The following LSP1 variants were observed in gnomAD, a reference collection of about 807,000 sequenced individuals.
LSP1 encodes lymphocyte-specific protein 1.
A neutral mutation model predicts 49.3 loss-of-function variants in LSP1; 32 were observed. That is an observed-to-expected ratio of 0.65 (90% confidence interval 0.49 to 0.87). The LOEUF is 0.87. Among genes scored for constraint, LSP1 ranks in the 40% least tolerant of loss-of-function variants. The probability of loss-of-function intolerance (pLI) is 0.00; values close to 1 mark genes in which losing one functional copy is unlikely to be tolerated. For missense variants in LSP1, 428 were observed against 442.6 expected (o/e 0.97, Z 0.30); for synonymous variants, 179 against 178.8 (o/e 1.00, Z -0.01).
intron 1 of LSP1, among the ~76,000 whole-genome samples, chr11:1,867,282 T>C (rs535515335): frequency 1.3e-5 from 2 of 152,200 alleles, no homozygotes; most frequent in African/African-American, 4.8e-5. Flanking sequence ...GGCTGACACG[T>C]GTGCACTAAT....
chr11:1,871,534 G>C lies in LSP1; in HGVS notation c.54-8553G>C, dbSNP rs1848008503. 6.4e-6 allele frequency: 6 copies of C among 942,762 alleles called. No homozygotes were observed. The South Asian group carries it at 1.9e-4, about 30-fold the overall frequency. 58.4% of individuals were successfully genotyped at this position (942,762 alleles called of 1,614,324 possible). A position where few individuals can be genotyped will look rare whatever the true frequency, so the allele number is the denominator to read the frequency against. On this transcript the variant is annotated intron_variant, in intron 1 of 10. Coordinates refer to ENST00000311604, the MANE Select transcript of LSP1 (RefSeq NM_002339.3). ...GAGGACCAATGGGAAGCCAGGGGTA[G>C]AGGGGTTGGGGGAAACCAGGCTCCA...
chr11:1,877,740 C>T (rs1360349493), intron 1 of LSP1, among the ~76,000 whole-genome samples: 1 of 152,192 alleles, frequency 6.6e-6, no homozygotes. Flanking sequence ...GCATGGGGTG[C>T]GGGCATGTAT....
chr11:1,870,430 A>G, intron 1 of LSP1: 1 of 1,213,864 alleles, frequency 8.2e-7, no homozygotes, highest in African/African-American at 1.6e-5. Context: ...ACCCCCAGGG[A>G]TGATGAGTCT....
In LSP1 at chr11:1,890,510, C is replaced by T. The variant is rs531127903; in HGVS notation, c.*14-1263C>T. 1.8e-4 allele frequency: 129 copies of T among 716,608 alleles called. No homozygotes were observed. In the African/African-American group the frequency reaches 1.9e-3, roughly 10 times the overall value. 44.4% of individuals were successfully genotyped at this position (716,608 alleles called of 1,614,324 possible). A position where few individuals can be genotyped will look rare whatever the true frequency, so the allele number is the denominator to read the frequency against. On this transcript the variant is annotated intron_variant, in intron 10 of 10. Transcript: ENST00000311604. The stretch of plus-strand genomic sequence containing the variant: ...CCTTCCCTGGCTTGGGCAGCAGGGG[C>T]GGTGGGGGTCCAGGGGTTCCCTGGA...
Position 1,884,254 on chromosome 11 carries a change from C to A in LSP1, c.592-26C>A, listed in dbSNP as rs1005604652. On this transcript the variant is annotated intron_variant, in intron 5 of 10. Coordinates refer to ENST00000311604, the MANE Select transcript of LSP1 (RefSeq NM_002339.3). This position sits in a 1 kb window ranked among gnomAD's most constrained non-coding sequence, Gnocchi z 4.1. ...TGGGCTTTACCTCGGCTGCTGCAGGCCTGTGTCTCTCTCCACCCTCTGCAG... is the reference window on the plus strand; with the variant it reads ...TGGGCTTTACCTCGGCTGCTGCAGGACTGTGTCTCTCTCCACCCTCTGCAG... 3.1e-6 allele frequency: 5 copies of A among 1,613,532 alleles called. No individual in the cohort carries two copies. Among genetic ancestry groups the A allele is most frequent in the Admixed American group, 3.3e-5 (2 of 59,992 alleles).
chr11:1,888,938 G>A (rs1052481944), intron 10 of LSP1: 4 of 480,448 alleles, frequency 8.3e-6, no homozygotes, highest in Non-Finnish European at 1.5e-5. Flanking sequence ...GCTCCAGCTC[G>A]TCCTCTCTGC....
intron 1 of LSP1, among the ~76,000 whole-genome samples, chr11:1,877,973 G>A (rs1185084579): frequency 1.3e-5 from 2 of 152,110 alleles, no homozygotes; most frequent in Non-Finnish European, 2.9e-5. Context: ...GGGTCTCTGC[G>A]CCAATGTGTA....
intron 1 of LSP1, among the ~76,000 whole-genome samples, chr11:1,873,787 G>A (rs1460942276): frequency 2.0e-5 from 3 of 151,222 alleles, no homozygotes; most frequent in African/African-American, 7.4e-5. Context: ...AGCCATCAGG[G>A]TGGCAACCAG....
chr11:1,870,270 T>C (rs1847942828), intron 1 of LSP1: 2 of 1,303,422 alleles, frequency 1.5e-6, no homozygotes, highest in Non-Finnish European at 2.0e-6. Flanking sequence ...ACAGGAAAGC[T>C]GAGGCTCAGG....
intron 1 of LSP1, chr11:1,859,606 C>A (rs530972112): frequency 1.3e-5 from 2 of 154,360 alleles, no homozygotes; most frequent in Middle Eastern, 5.6e-4. Context: ...AGAAATAATC[C>A]TTTAGCCTTT....
At chr11:1,859,213 G>C (rs942242699) in intron 1 of LSP1, among the ~76,000 whole-genome samples, 2 of 152,152 alleles carry the variant, frequency 1.3e-5, no homozygotes, top group Non-Finnish European at 2.9e-5. Context: ...CACACCACAC[G>C]CTCAGGGAGA....
intron 1 of LSP1, among the ~76,000 whole-genome samples, chr11:1,877,836 C>T (rs1002150137): frequency 1.1e-4 from 16 of 152,256 alleles, no homozygotes; most frequent in Admixed American, 3.9e-4. Context: ...GGGAGTCCTG[C>T]GCCCGGCCGC....
intron 1 of LSP1, among the ~76,000 whole-genome samples, chr11:1,861,362 G>A (rs1174023294): frequency 6.6e-6 from 1 of 152,214 alleles, no homozygotes; most frequent in Non-Finnish European, 1.5e-5. Context: ...ATCATCATAA[G>A]AGCAGGGACT....
rs1848533698 is a variant in LSP1, at chr11:1,881,420, T to G, written c.192-12T>G. Reference sequence around the variant, plus strand: ...AGCCGCCCAGGCCTAAGCTCCCCCCTGCTACCCTCAGCCTCAGCCTGAAGC... The same window carrying G: ...AGCCGCCCAGGCCTAAGCTCCCCCCGGCTACCCTCAGCCTCAGCCTGAAGC... On this transcript the variant is annotated splice_polypyrimidine_tract_variant and intron_variant, in intron 2 of 10. Transcript: ENST00000311604. 1 of 1,560,962 alleles carries G rather than the reference T, an allele frequency of 6.4e-7. No homozygotes were observed. The highest frequency in any genetic ancestry group is 8.7e-7 in the Non-Finnish European group (1 of 1,152,224).
intron 1 of LSP1, chr11:1,869,630 A>C: frequency 2.1e-6 from 1 of 470,718 alleles, no homozygotes; most frequent in Non-Finnish European, 4.4e-6. Context: ...GAAGGCTCAG[A>C]GCCGCTGTCT....
intron 10 of LSP1, chr11:1,888,898 CTG>C (rs1848865643): frequency 4.6e-6 from 2 of 437,154 alleles, no homozygotes; most frequent in Non-Finnish European, 8.1e-6. Flanking sequence ...GACCCCTTCT[CTG>C]TTCCCCTCAC....
chr11:1,883,634 C>T (rs546038076), intron 4 of LSP1, 74 bp downstream of exon 4: 1 of 1,515,924 alleles, frequency 6.6e-7, no homozygotes, highest in African/African-American at 1.4e-5. Flanking sequence ...GTCTGCACCA[C>T]TCTGTGGGCC....
chr11:1,854,590 C>T (rs944505360), intron 1 of LSP1, among the ~76,000 whole-genome samples: 6 of 152,274 alleles, frequency 3.9e-5, no homozygotes, highest in South Asian at 2.1e-4. Flanking sequence ...GAAGGGACCC[C>T]GAGTGCCGTG....
Position 1,884,000 on chromosome 11 carries a change from G to T in LSP1, c.567G>T (p.Ser189=). 6.2e-7 allele frequency: 1 copy of T among 1,612,550 alleles called. No individual in the cohort carries two copies. Among genetic ancestry groups the T allele is most frequent in the East Asian group, 2.2e-5 (1 of 44,852 alleles). The change falls in exon 5 of 11, where the codon TCG becomes TCT. Residue 189 remains serine, a synonymous_variant. Transcript: ENST00000311604. ...LVLEGTIEQS[S]PPLSPTTKLI... ...TGGAGGGGACCATCGAACAGAGCTCGCCTCCCCTGAGCCCTACCACCAAAG... is the reference window on the plus strand; with the variant it reads ...TGGAGGGGACCATCGAACAGAGCTCTCCTCCCCTGAGCCCTACCACCAAAG...
Sources: allele counts gnomAD v4.1 joint callset (sites outside exome capture counted in the v4.1 genomes callset), GRCh38; gene constraint gnomAD v4.1.1; non-coding constraint Gnocchi (gnomAD v3.1); transcripts MANE v1.5; gene names NCBI Gene and HGNC (gene_info 2026-07-23, HGNC 2026-07-21).